NTM: variants seen among roughly 807,000 people sequenced by gnomAD.
NTM encodes IgLON family member 2.
In NTM, 13 loss-of-function variants were observed where a neutral mutation model predicts 42.1. The observed-to-expected ratio is 0.31, with a 90% CI of 0.20 to 0.49. The LOEUF is 0.49. Among genes scored for constraint, NTM ranks in the 20% least tolerant of loss-of-function variants. The pLI is 0.99. For missense variants in NTM, 373 were observed against 452.8 expected (o/e 0.82, Z 1.60); for synonymous variants, 187 against 179.2 (o/e 1.04, Z -0.35).
chr11:131,724,581 A>G (rs2078739496), intron 1 of NTM, among the ~76,000 whole-genome samples: 2 of 152,088 alleles, frequency 1.3e-5, no homozygotes, highest in African/African-American at 4.8e-5. Context: ...TGCACCTCAC[A>G]CCCCAGAATC....
At chr11:131,499,968 G>A (rs1390841108) in intron 1 of NTM, among the ~76,000 whole-genome samples, 8 of 152,178 alleles carry the variant, frequency 5.3e-5, no homozygotes, top group Non-Finnish European at 1.0e-4. Context: ...TGTGTGTTCC[G>A]GCACAAACCA....
chr11:132,041,691 G>A (rs1227509799), intron 2 of NTM, among the ~76,000 whole-genome samples: 2 of 152,172 alleles, frequency 1.3e-5, no homozygotes, highest in Non-Finnish European at 2.9e-5. Flanking sequence ...GACAGCATCT[G>A]GGTCAGACAG....
chr11:131,841,785 G>A (rs1049212414), intron 1 of NTM, among the ~76,000 whole-genome samples: 3 of 152,144 alleles, frequency 2.0e-5, no homozygotes, highest in Non-Finnish European at 2.9e-5. Context: ...TGGGGTCAGC[G>A]TGGGAAGTAG....
chr11:132,082,625 T>C (rs1400724825), intron 2 of NTM, among the ~76,000 whole-genome samples: 2 of 152,212 alleles, frequency 1.3e-5, no homozygotes, highest in African/African-American at 4.8e-5. Context: ...GGCATTTGGC[T>C]GTCTCCTCCC....
intron 1 of NTM, among the ~76,000 whole-genome samples, chr11:131,504,685 T>C (rs1387265675): frequency 1.3e-5 from 2 of 152,126 alleles, no homozygotes; most frequent in Non-Finnish European, 2.9e-5. Flanking sequence ...CTGGCCTGCG[T>C]GCTCCATGGC....
chr11:132,274,520 C>G (rs1261088036), intron 4 of NTM, among the ~76,000 whole-genome samples: 1 of 151,788 alleles, frequency 6.6e-6, no homozygotes, highest in East Asian at 1.9e-4. Context: ...TCCAAGTTTC[C>G]TTTGGCTCAT....
Position 132,213,933 on chromosome 11 carries a change from A to G in NTM, c.526+1786A>G, listed in dbSNP as rs1279949621. Among the ~76,000 whole-genome samples, 13 of 68,926 alleles carry G rather than the reference A, an allele frequency of 1.9e-4. 3 individuals are homozygous for G. The highest frequency in any genetic ancestry group is 4.9e-4 in the African/African-American group (11 of 22,382). 45.2% of individuals were successfully genotyped at this position (68,926 alleles called of 152,430 possible). A position where few individuals can be genotyped will look rare whatever the true frequency, so the allele number is the denominator to read the frequency against. On this transcript the variant is annotated intron_variant, in intron 4 of 8. Coordinates refer to ENST00000683400, the MANE Select transcript of NTM (RefSeq NM_001352005.2). ...GTATTTTTAGTAGAGACGGGGTTTC[A>G]CCGTTTTAGCTGGGATGGTCTCGAT...
At chr11:131,462,404 G>A (rs968102623) in intron 1 of NTM, among the ~76,000 whole-genome samples, 6 of 152,118 alleles carry the variant, frequency 3.9e-5, no homozygotes, top group African/African-American at 1.2e-4. Flanking sequence ...TCATACATCC[G>A]TTTTAAAAAA....
chr11:131,375,544 G>A (rs1437393601), intron 1 of NTM, among the ~76,000 whole-genome samples: 3 of 152,126 alleles, frequency 2.0e-5, no homozygotes, highest in Admixed American at 2.0e-4. Context: ...AGTGCACTGG[G>A]GAAGGGCAGA....
At chr11:132,204,839 C>T (rs2081715286) in intron 3 of NTM, among the ~76,000 whole-genome samples, 1 of 152,156 alleles carries the variant, frequency 6.6e-6, no homozygotes, top group African/African-American at 2.4e-5. Context: ...CCCACCTGAA[C>T]CACTCAACTG....
At position 132,335,147 on chromosome 11, in the gene NTM, T is replaced by C. The variant is rs1377146824; in HGVS notation, c.*1T>C. On this transcript the variant is annotated 3_prime_UTR_variant, in exon 9 of 9. Transcript: ENST00000683400. ...CTTGCACCTGCTTCTCAAATTTTGATGTGAGTGCCACTTCCCCACCCGGGA... is the reference window on the plus strand; with the variant it reads ...CTTGCACCTGCTTCTCAAATTTTGACGTGAGTGCCACTTCCCCACCCGGGA... 6.2e-7 allele frequency: 1 copy of C among 1,612,184 alleles called. No individual in the cohort carries two copies. The highest frequency in any genetic ancestry group is 2.2e-5 in the East Asian group (1 of 44,836).
At chr11:132,179,441 A>G (rs1019680340) in intron 3 of NTM, among the ~76,000 whole-genome samples, 1 of 152,244 alleles carries the variant, frequency 6.6e-6, no homozygotes, top group East Asian at 1.9e-4. Context: ...GGAGAGAGAG[A>G]CAGAGACAGA....
At position 132,261,408 on chromosome 11, in the gene NTM, G is replaced by A. The variant is rs77450927; in HGVS notation, c.527-46281G>A. On this transcript the variant is annotated intron_variant, in intron 4 of 8. Coordinates refer to ENST00000683400, the MANE Select transcript of NTM (RefSeq NM_001352005.2). ...ATGAGTGCACCTGGGGGGCACAGACGCACGGCTCACAGCACTGCAGCTTCC... is the reference window on the plus strand; with the variant it reads ...ATGAGTGCACCTGGGGGGCACAGACACACGGCTCACAGCACTGCAGCTTCC... Among the ~76,000 whole-genome samples the A allele has an allele frequency of 2.4e-3, 373 of 152,294 alleles. 1 individual carries two copies. The highest frequency in any genetic ancestry group is 8.6e-3 in the African/African-American group (356 of 41,562).
intron 1 of NTM, among the ~76,000 whole-genome samples, chr11:131,836,611 T>C (rs2043530684): frequency 6.6e-6 from 1 of 152,220 alleles, no homozygotes; most frequent in Admixed American, 6.5e-5. Flanking sequence ...TTCCCCTCTG[T>C]ATGCTTCTCT....
Position 131,789,616 on chromosome 11 carries a change from GAAGAAGAAGAAGAAGAAGAA to G in NTM, c.83-121927_83-121908del, listed in dbSNP as rs2090419196. Among the ~76,000 whole-genome samples, 16 of 84,302 alleles carry G rather than the reference GAAGAAGAAGAAGAAGAAGAA, an allele frequency of 1.9e-4. 2 individuals carry two copies. Among genetic ancestry groups the G allele is most frequent in the African/African-American group, 3.3e-4 (6 of 18,354 alleles). 55.3% of individuals were successfully genotyped at this position (84,302 alleles called of 152,430 possible). A position where few individuals can be genotyped will look rare whatever the true frequency, so the allele number is the denominator to read the frequency against. On this transcript the variant is annotated intron_variant, in intron 1 of 8. Coordinates refer to ENST00000683400, the MANE Select transcript of NTM (RefSeq NM_001352005.2). ...AGAAGAAGAAGAAGAAGAAGAAGAA[GAAGAAGAAGAAGAAGAAGAA>G]AAGAAGAAGAAGAAGAAGAAGAAGA...
Position 132,327,776 on chromosome 11 carries a change from C to T in NTM, c.935-2377C>T, listed in dbSNP as rs187007340. 5.3e-3 allele frequency among the ~76,000 whole-genome samples: 801 copies of T among 151,398 alleles called. 6 individuals carry two copies. Among genetic ancestry groups the T allele is most frequent in the African/African-American group, 0.019 (769 of 41,254 alleles). On this transcript the variant is annotated intron_variant, in intron 7 of 8. Coordinates refer to ENST00000683400, the MANE Select transcript of NTM (RefSeq NM_001352005.2). Reference sequence around the variant, plus strand: ...TTTTCTTCTTGTTGTATTTTCTGTCCCCCTCTCCCCTTTCCTCTCTCCCTT... The same window carrying T: ...TTTTCTTCTTGTTGTATTTTCTGTCTCCCTCTCCCCTTTCCTCTCTCCCTT...
In NTM at chr11:131,903,170, A is replaced by G. The variant is rs1033082474; in HGVS notation, c.83-8394A>G. Among the ~76,000 whole-genome samples, 8 of 152,218 alleles carry G rather than the reference A, an allele frequency of 5.3e-5. No individual in the cohort carries two copies. In the East Asian group the frequency reaches 1.5e-3, roughly 29 times the overall value. On this transcript the variant is annotated intron_variant, in intron 1 of 8. Transcript: ENST00000683400. ...AGGGCCGCGGAAAGTTAAAGGACAG[A>G]CAGTGTGCAACCAGTCCAATAGATC...
chr11:131,481,787 C>T (rs970057448), intron 1 of NTM, among the ~76,000 whole-genome samples: 1 of 152,056 alleles, frequency 6.6e-6, no homozygotes, highest in African/African-American at 2.4e-5. Flanking sequence ...GCCACACAGC[C>T]CCACCTTAGG....
At chr11:131,732,826 A>T (rs2079867359) in intron 1 of NTM, among the ~76,000 whole-genome samples, 1 of 152,180 alleles carries the variant, frequency 6.6e-6, no homozygotes, top group Non-Finnish European at 1.5e-5. Context: ...TTCTGGAGTC[A>T]TATATACTTT....
Sources: gnomAD v4.1 joint callset for allele counts (sites outside exome capture counted in the v4.1 genomes callset) on GRCh38, gnomAD v4.1.1 for gene constraint, MANE v1.5 for transcripts, NCBI Gene and HGNC (gene_info 2026-07-23, HGNC 2026-07-21) for gene names.